Variants in GAN observed in about 807,000 individuals in gnomAD.
The protein encoded by GAN is epididymis secretory sperm binding protein.
In GAN, 48 loss-of-function variants were observed where a neutral mutation model predicts 71.3. The observed-to-expected ratio is 0.67, with a 90% CI of 0.53 to 0.86. The LOEUF (loss-of-function observed/expected upper bound fraction) is 0.86. GAN is among the 40% of genes least tolerant of loss of function. GAN has a pLI of 0.00. For missense variants in GAN, 928 were observed against 770.1 expected, an observed-to-expected ratio of 1.21 and a Z score of -2.43; for synonymous variants, 386 against 276.8, an observed-to-expected ratio of 1.39 and a Z score of -3.92.
intron 1 of GAN, among the ~76,000 whole-genome samples, chr16:81,328,353 G>A (rs1909456844): frequency 6.6e-6 from 1 of 152,082 alleles, no homozygotes; most frequent in Non-Finnish European, 1.5e-5. Flanking sequence ...TCAATGTAAT[G>A]CCCATAGTTG....
At chr16:81,375,619 C>G (rs117324216) in intron 9 of GAN, among the ~76,000 whole-genome samples, 5 of 152,142 alleles carry the variant, frequency 3.3e-5, no homozygotes, top group Non-Finnish European at 5.9e-5. Context: ...AGCCACCACA[C>G]CTGGCCCCCA....
chr16:81,319,206 T>TGATATATATATATATA (rs1555508541), intron 1 of GAN, among the ~76,000 whole-genome samples: 1 of 138,798 alleles, frequency 7.2e-6, no homozygotes, highest in East Asian at 2.2e-4. Flanking sequence ...TAGATATAGA[T>TGATATATATATATATA]TATATATATA....
At chr16:81,365,550 T>A in intron 9 of GAN, 72 bp downstream of exon 9, 1 of 1,465,776 alleles carries the variant, frequency 6.8e-7, no homozygotes, top group Non-Finnish European at 9.6e-7. Context: ...TAGCTTTGTT[T>A]AGTTTTGTTT....
rs567665516 is a variant in GAN, at chr16:81,386,437, G to C, written c.*8841G>C. On this transcript the variant is annotated 3_prime_UTR_variant, in exon 11 of 11. Coordinates refer to ENST00000648994, the MANE Select transcript of GAN (RefSeq NM_022041.4). ...TGTACGTGCATGTGTGTTTGTGCAT[G>C]TGTCTGTGTGTGTGGAACTTTTGTA... The C allele has an allele frequency of 6.6e-6, 1 of 152,314 alleles. No homozygotes were observed. The highest frequency in any genetic ancestry group is 2.1e-4 in the South Asian group (1 of 4,820). The allele number at this position is 152,314 out of a possible 1,614,324, so 9.4% of individuals were successfully genotyped here. A position where few individuals can be genotyped will look rare whatever the true frequency, so the allele number is the denominator to read the frequency against.
chr16:81,317,701 C>T (rs1909090290), intron 1 of GAN, among the ~76,000 whole-genome samples: 1 of 152,262 alleles, frequency 6.6e-6, no homozygotes, highest in Non-Finnish European at 1.5e-5. Flanking sequence ...CCTTCCTACT[C>T]TTGCCCTACC....
intron 1 of GAN, among the ~76,000 whole-genome samples, chr16:81,330,593 T>C (rs1909542861): frequency 6.6e-6 from 1 of 152,238 alleles, no homozygotes; most frequent in African/African-American, 2.4e-5. Flanking sequence ...AGAATTTCAA[T>C]TCGTATATGT....
chr16:81,361,938 G>T (rs6564873), intron 5 of GAN, among the ~76,000 whole-genome samples: 1 of 152,070 alleles, frequency 6.6e-6, no homozygotes, highest in Non-Finnish European at 1.5e-5. Context: ...AGTCCTTGTA[G>T]CTTGGCTTCC....
At chr16:81,334,426 C>A (rs535988728) in intron 1 of GAN, among the ~76,000 whole-genome samples, 1 of 152,282 alleles carries the variant, frequency 6.6e-6, no homozygotes, top group South Asian at 2.1e-4. Context: ...TGAAACCTTT[C>A]CTGACTTTTC....
intron 1 of GAN, among the ~76,000 whole-genome samples, chr16:81,349,347 C>G (rs1041893698): frequency 1.3e-5 from 2 of 152,152 alleles, no homozygotes; most frequent in Non-Finnish European, 2.9e-5. Context: ...TGTCTGTTTT[C>G]TAGCATATGA....
intron 1 of GAN, among the ~76,000 whole-genome samples, chr16:81,338,189 T>C (rs1909827989): frequency 6.6e-6 from 1 of 152,248 alleles, no homozygotes; most frequent in Non-Finnish European, 1.5e-5. Context: ...CTATTGTTTC[T>C]AATTTTTTTT....
chr16:81,357,413 A>C (rs1172336115), intron 4 of GAN, among the ~76,000 whole-genome samples: 1 of 152,182 alleles, frequency 6.6e-6, no homozygotes, highest in Admixed American at 6.5e-5. Context: ...AATTTCATCC[A>C]TGTCCCTACA....
At chr16:81,317,518 T>A (rs1473673211) in intron 1 of GAN, among the ~76,000 whole-genome samples, 1 of 152,246 alleles carries the variant, frequency 6.6e-6, no homozygotes, top group Non-Finnish European at 1.5e-5. Context: ...ATAGGTCTGT[T>A]CCCATGTCTT....
intron 9 of GAN, among the ~76,000 whole-genome samples, chr16:81,366,131 C>T: frequency 6.6e-6 from 1 of 152,244 alleles, no homozygotes; most frequent in East Asian, 1.9e-4. Context: ...CTTCTCATGC[C>T]TCCTAGTCTG....
In GAN at chr16:81,388,738, C is replaced by G. The variant is rs1904479064; in HGVS notation, c.*11142C>G. ...TGGGTCCTCCTCTGTCCCTTTGCAG[C>G]TCGCATTCGCCAGAGCGGAGCGCAG... On this transcript the variant is annotated 3_prime_UTR_variant, in exon 11 of 11. Coordinates refer to ENST00000648994, the MANE Select transcript of GAN (RefSeq NM_022041.4). 1 of 152,306 alleles carries G rather than the reference C, an allele frequency of 6.6e-6. No homozygotes were observed. The highest frequency in any genetic ancestry group is 2.4e-5 in the African/African-American group (1 of 41,488). The allele number at this position is 152,306 out of a possible 1,614,324, so 9.4% of individuals were successfully genotyped here. A position where few individuals can be genotyped will look rare whatever the true frequency, so the allele number is the denominator to read the frequency against.
chr16:81,377,152 C>A, intron 9 of GAN, 67 bp from the exon 10 acceptor site: 2 of 949,582 alleles, frequency 2.1e-6, no homozygotes, highest in Non-Finnish European at 3.5e-6. Flanking sequence ...CTTGCTGTGT[C>A]AGTCTTCCTA....
Position 81,322,845 on chromosome 16 carries a change from T to A in GAN, c.167+7565T>A, listed in dbSNP as rs532414242. Among the ~76,000 whole-genome samples, 13 of 152,360 alleles carry A rather than the reference T, an allele frequency of 8.5e-5. No individual in the cohort carries two copies. In the East Asian group the frequency reaches 1.9e-3, roughly 23 times the overall value. ...TGTTTATATTGATCAGTCCCTGAAT[T>A]GTAAGAAACTTCATACTGAAACCTC... On this transcript the variant is annotated intron_variant, in intron 1 of 10. Coordinates refer to ENST00000648994, the MANE Select transcript of GAN (RefSeq NM_022041.4).
chr16:81,386,641 C>G lies in GAN; in HGVS notation c.*9045C>G, dbSNP rs1417047691. 6.6e-6 allele frequency: 1 copy of G among 152,218 alleles called. No homozygotes were observed. Among genetic ancestry groups the G allele is most frequent in the Non-Finnish European group, 1.5e-5 (1 of 68,040 alleles). The allele number at this position is 152,218 out of a possible 1,614,324, so 9.4% of individuals were successfully genotyped here. On this transcript the variant is annotated 3_prime_UTR_variant, in exon 11 of 11. Coordinates refer to ENST00000648994, the MANE Select transcript of GAN (RefSeq NM_022041.4). ...CATTTGATAAAGTCATTCTTGATCT[C>G]TGAATGTGAAAAGGAAGTAGAACAG...
Position 81,377,695 on chromosome 16 carries a change from G to C in GAN, c.*99G>C. 1 of 1,083,480 alleles carries C rather than the reference G, an allele frequency of 9.2e-7. No individual in the cohort carries two copies. The highest frequency in any genetic ancestry group is 1.4e-6 in the Non-Finnish European group (1 of 698,522). The allele number at this position is 1,083,480 out of a possible 1,614,324, so 67.1% of individuals were successfully genotyped here. On this transcript the variant is annotated 3_prime_UTR_variant, in exon 11 of 11. Transcript: ENST00000648994. The stretch of plus-strand genomic sequence containing the variant: ...TGGCAGCTGAAACTCACTCTGTGCT[G>C]GGCTTTGGTATGGTAACTCTTTGGT...
chr16:81,363,481 G>C (rs903462805), intron 6 of GAN, among the ~76,000 whole-genome samples: 1 of 145,606 alleles, frequency 6.9e-6, no homozygotes, highest in Admixed American at 6.9e-5. Flanking sequence ...TGGGAAAAAA[G>C]ATTTCTCTAA....
Sources: gnomAD v4.1 joint callset for allele counts (sites outside exome capture counted in the v4.1 genomes callset) on GRCh38, gnomAD v4.1.1 for gene constraint, MANE v1.5 for transcripts, NCBI Gene and HGNC (gene_info 2026-07-23, HGNC 2026-07-21) for gene names.